The following LRMDA variants were observed in gnomAD, a reference collection of about 807,000 sequenced individuals.
The protein encoded by LRMDA is leucine rich melanocyte differentiation associated, also known as leucine-rich melanocyte differentiation-associated protein.
LRMDA carries 18 observed loss-of-function variants against 29.8 expected under a neutral mutation model. The ratio of observed to expected loss-of-function variants is 0.60; its 90% CI spans 0.42 to 0.90. The LOEUF (loss-of-function observed/expected upper bound fraction) is 0.90, where lower values mean the gene tolerates loss of function less well. Ranked by LOEUF, LRMDA falls within the 40% of genes least tolerant of loss-of-function variation. The pLI is 0.00. For synonymous variants in LRMDA, 125 were observed against 109.4 expected (o/e 1.14, Z -0.89); for missense variants, 273 against 273.9 (o/e 1.00, Z 0.02).
chr10:76,059,232 T>G (rs1052465062), intron 5 of LRMDA, among the ~76,000 whole-genome samples: 1 of 152,176 alleles, frequency 6.6e-6, no homozygotes, highest in Non-Finnish European at 1.5e-5. Context: ...TCCACGGCCC[T>G]CTGAGATATC....
intron 6 of LRMDA, 120 bp from the exon 7 acceptor site, chr10:76,557,089 C>T (rs1379203931): frequency 1.3e-6 from 1 of 761,926 alleles, no homozygotes; most frequent in Non-Finnish European, 2.3e-6. Context: ...TCTGGAGCTT[C>T]ATCCACTTTC....
At chr10:75,840,456 G>A (rs7901960) in intron 2 of LRMDA, among the ~76,000 whole-genome samples, 3,040 of 152,280 alleles carry the variant, frequency 0.02, 96 homozygotes, top group African/African-American at 0.07. Flanking sequence ...TTTCACTTAG[G>A]GAGTTGTCAA....
chr10:75,745,862 T>C (rs1229871862), intron 2 of LRMDA, among the ~76,000 whole-genome samples: 1 of 152,194 alleles, frequency 6.6e-6, no homozygotes, highest in African/African-American at 2.4e-5. Context: ...TGGCCAGGTA[T>C]TTTGTAGAAT....
chr10:75,667,818 TATTA>T (rs1841842227), intron 2 of LRMDA, among the ~76,000 whole-genome samples: 1 of 152,180 alleles, frequency 6.6e-6, no homozygotes, highest in Non-Finnish European at 1.5e-5. Flanking sequence ...GAAAAAAACG[TATTA>T]ATTAGCATGT....
rs150534894 is a variant in LRMDA at position 76,326,405 on chromosome 10, A to G, written c.601+1920A>G. 9.8e-4 allele frequency among the ~76,000 whole-genome samples: 150 copies of G among 152,332 alleles called. 3 individuals carry two copies. The East Asian group carries it at 0.024, about 24-fold the overall frequency. On this transcript the variant is annotated intron_variant, in intron 6 of 6. Coordinates refer to ENST00000611255, the MANE Select transcript of LRMDA (RefSeq NM_001305581.2). Reference sequence around the variant, plus strand: ...AAAGAATTATTTCAAGTTTCTGATCATGTACATCACGAAAACATTTGAATG... The same window carrying G: ...AAAGAATTATTTCAAGTTTCTGATCGTGTACATCACGAAAACATTTGAATG...
intron 2 of LRMDA, among the ~76,000 whole-genome samples, chr10:75,880,336 G>A (rs1845273532): frequency 2.0e-5 from 3 of 152,210 alleles, no homozygotes; most frequent in Admixed American, 6.5e-5. Flanking sequence ...GAGGTGATAT[G>A]TTATAAGGAG....
At chr10:76,101,555 G>A (rs1849394562) in intron 5 of LRMDA, among the ~76,000 whole-genome samples, 1 of 152,168 alleles carries the variant, frequency 6.6e-6, no homozygotes, top group African/African-American at 2.4e-5. Flanking sequence ...TGACCAACAT[G>A]GGGAAGCTCT....
chr10:76,480,184 G>A (rs1397781142), intron 6 of LRMDA, among the ~76,000 whole-genome samples: 5 of 151,852 alleles, frequency 3.3e-5, no homozygotes, highest in South Asian at 4.1e-4. Flanking sequence ...CCTGAAATCC[G>A]TGAGTTTCTT....
intron 2 of LRMDA, among the ~76,000 whole-genome samples, chr10:75,867,686 A>T (rs2132328514): frequency 6.6e-6 from 1 of 152,292 alleles, no homozygotes; most frequent in African/African-American, 2.4e-5. Context: ...TACAAGCAAG[A>T]TATATGAAAT....
At chr10:75,902,273 G>A (rs557539300) in intron 2 of LRMDA, among the ~76,000 whole-genome samples, 1 of 152,260 alleles carries the variant, frequency 6.6e-6, no homozygotes, top group Admixed American at 6.5e-5. Flanking sequence ...AATGCTTAGG[G>A]TTGTTTGAGA....
chr10:75,575,081 C>G (rs1452410816), intron 2 of LRMDA, among the ~76,000 whole-genome samples: 4 of 152,154 alleles, frequency 2.6e-5, no homozygotes, highest in East Asian at 3.9e-4. Flanking sequence ...AGTTGCCACA[C>G]ACTTTCAAAT....
chr10:76,089,260 T>A (rs1849189649), intron 5 of LRMDA, among the ~76,000 whole-genome samples: 1 of 152,112 alleles, frequency 6.6e-6, no homozygotes, highest in Admixed American at 6.6e-5. Context: ...AGAGCTGGGG[T>A]CTGAATCCAG....
At chr10:76,193,481 GA>G (rs1454732767) in intron 5 of LRMDA, among the ~76,000 whole-genome samples, 3 of 152,132 alleles carry the variant, frequency 2.0e-5, no homozygotes. Flanking sequence ...AACTTTCCCA[GA>G]AAATTCATCT....
chr10:76,232,868 A>G (rs1416503312), intron 5 of LRMDA, among the ~76,000 whole-genome samples: 2 of 152,224 alleles, frequency 1.3e-5, no homozygotes, highest in Non-Finnish European at 2.9e-5. Context: ...TTATGGACTC[A>G]GAATGGGGAG....
intron 5 of LRMDA, among the ~76,000 whole-genome samples, chr10:76,095,899 C>G (rs1221767338): frequency 6.6e-6 from 1 of 150,448 alleles, no homozygotes; most frequent in South Asian, 2.1e-4. Flanking sequence ...GAGCCGAGAT[C>G]GTGCCACTGC....
chr10:76,237,465 G>T (rs1261903154), intron 5 of LRMDA, among the ~76,000 whole-genome samples: 1 of 152,166 alleles, frequency 6.6e-6, no homozygotes, highest in Non-Finnish European at 1.5e-5. Flanking sequence ...ATAAGATGTA[G>T]ATTAGAGCTG....
chr10:75,926,399 A>T (rs530126191), intron 2 of LRMDA, among the ~76,000 whole-genome samples: 10 of 152,342 alleles, frequency 6.6e-5, no homozygotes, highest in African/African-American at 2.4e-4. Context: ...GAAATTTTTC[A>T]TCTAGTGCTC....
At chr10:76,244,316 C>T (rs143861344) in intron 5 of LRMDA, among the ~76,000 whole-genome samples, 377 of 152,200 alleles carry the variant, frequency 2.5e-3, no homozygotes, top group Admixed American at 3.9e-3. Context: ...CACCTCCTAC[C>T]CATTTTCCTA....
chr10:75,566,362 C>T (rs1054263624), intron 2 of LRMDA, among the ~76,000 whole-genome samples: 1 of 152,208 alleles, frequency 6.6e-6, no homozygotes, highest in African/African-American at 2.4e-5. Flanking sequence ...TGTGGACCAG[C>T]AGCATGGGTA....
Sources: gnomAD v4.1 joint callset for allele counts (sites outside exome capture counted in the v4.1 genomes callset) on GRCh38, gnomAD v4.1.1 for gene constraint, MANE v1.5 for transcripts, NCBI Gene and HGNC (gene_info 2026-07-23, HGNC 2026-07-21) for gene names.